The following MLPH variants were observed in gnomAD, a reference collection of about 807,000 sequenced individuals.
MLPH encodes melanophilin.
Under a neutral mutation model 72.1 loss-of-function variants are expected in MLPH, and 51 were observed. The ratio of observed to expected loss-of-function variants is 0.71; its 90% CI spans 0.56 to 0.89. The LOEUF (loss-of-function observed/expected upper bound fraction) is 0.89. MLPH is among the 40% of genes least tolerant of loss of function. The pLI is 0.00. For synonymous variants in MLPH, 301 were observed against 310.1 expected, an observed-to-expected ratio of 0.97 and a Z score of 0.31; for missense variants, 743 against 759.9, an observed-to-expected ratio of 0.98 and a Z score of 0.26.
intron 12 of MLPH, among the ~76,000 whole-genome samples, chr2:237,546,007 T>A (rs1382400749): frequency 6.6e-6 from 1 of 152,152 alleles, no homozygotes; most frequent in African/African-American, 2.4e-5. Flanking sequence ...TGGTTAGGGG[T>A]ACAATTTGCT....
chr2:237,517,138 T>C (rs1025270226), intron 4 of MLPH, among the ~76,000 whole-genome samples: 3 of 151,256 alleles, frequency 2.0e-5, no homozygotes, highest in Admixed American at 1.3e-4. Flanking sequence ...TCTGAGTGGA[T>C]GAATGCATTG....
At chr2:237,524,065 GTAGAATT>G (rs2080247508) in intron 6 of MLPH, among the ~76,000 whole-genome samples, 4 of 152,192 alleles carry the variant, frequency 2.6e-5, no homozygotes, top group African/African-American at 9.6e-5. Context: ...TGGCTACTAG[GTAGAATT>G]TTATGGAAAA....
At position 237,553,885 on chromosome 2, in the gene MLPH, A is replaced by G. The variant is rs1357893423; in HGVS notation, c.*293A>G. On this transcript the variant is annotated 3_prime_UTR_variant, in exon 16 of 16. Transcript: ENST00000264605. ...AGGACAATGTTGTGTAAATCTTTGAAGGACACACCGAAGACCTTTATACTG... is the reference window on the plus strand; with the variant it reads ...AGGACAATGTTGTGTAAATCTTTGAGGGACACACCGAAGACCTTTATACTG... The G allele has an allele frequency of 1.7e-6, 1 of 592,610 alleles. No homozygotes were observed. The highest frequency in any genetic ancestry group is 3.1e-6 in the Non-Finnish European group (1 of 319,172). The allele number at this position is 592,610 out of a possible 1,614,324, so 36.7% of individuals were successfully genotyped here. A position where few individuals can be genotyped will look rare whatever the true frequency, so the allele number is the denominator to read the frequency against.
intron 6 of MLPH, among the ~76,000 whole-genome samples, chr2:237,524,312 T>A: frequency 6.9e-6 from 1 of 145,888 alleles, no homozygotes; most frequent in African/African-American, 2.8e-5. Context: ...AATATATATA[T>A]ATATATATAA....
rs199971790 is a variant in MLPH at position 237,493,397 on chromosome 2, T to C, written c.-24-6T>C. The C allele has an allele frequency of 7.1e-5, 111 of 1,568,724 alleles. 2 individuals are homozygous for C. In the African/African-American group the frequency reaches 1.3e-3, roughly 19 times the overall value. On this transcript the variant is annotated splice_polypyrimidine_tract_variant and splice_region_variant and intron_variant, in intron 1 of 15. Coordinates refer to ENST00000264605, the MANE Select transcript of MLPH (RefSeq NM_024101.7). ...ACTGATGACTTGTGATCCTGTGACA[T>C]TCCAGGTGTGACCCCGACAAGAAGC...
intron 4 of MLPH, among the ~76,000 whole-genome samples, chr2:237,516,948 G>C (rs1191549175): frequency 1.3e-5 from 2 of 148,936 alleles, no homozygotes; most frequent in Admixed American, 1.3e-4. Context: ...TGGATAGGTG[G>C]ATAGGTGGAT....
At chr2:237,525,487 TG>T in intron 6 of MLPH, 113 bp from the exon 7 acceptor site, 1 of 1,005,630 alleles carries the variant, frequency 9.9e-7, no homozygotes, top group Non-Finnish European at 1.5e-6. Flanking sequence ...TGCCTAGTGC[TG>T]GGTCAGTCAA....
chr2:237,536,574 G>A (rs1390778180), intron 9 of MLPH, among the ~76,000 whole-genome samples: 1 of 152,166 alleles, frequency 6.6e-6, no homozygotes, highest in Non-Finnish European at 1.5e-5. Context: ...TGCCTGCACT[G>A]AGTCAGAGTG....
rs1487127983 is a variant in MLPH at position 237,553,010 on chromosome 2, TG to T, written c.1777-554del. 1.1e-5 allele frequency: 5 copies of T among 445,328 alleles called. No homozygotes were observed. In the East Asian group the frequency reaches 3.6e-4, roughly 32 times the overall value. 27.6% of individuals were successfully genotyped at this position (445,328 alleles called of 1,614,324 possible). ...CAGAGTGGGAGCAGGCTAGAGCCAG[TG>T]GCTCAGGAGCCTGGTTACAGCATTT... On this transcript the variant is annotated intron_variant, in intron 15 of 15. Coordinates refer to ENST00000264605, the MANE Select transcript of MLPH (RefSeq NM_024101.7).
Position 237,496,891 on chromosome 2 carries a change from C to T in MLPH, c.110+3355C>T, listed in dbSNP as rs534479060. On this transcript the variant is annotated intron_variant, in intron 2 of 15. Coordinates refer to ENST00000264605, the MANE Select transcript of MLPH (RefSeq NM_024101.7). ...AGTGGCATTGCTATGATGGGTCTTA[C>T]TATGAGAGTACATGTCAGCAGGTGA... is the stretch of plus-strand genomic sequence containing the variant. 1.7e-4 allele frequency among the ~76,000 whole-genome samples: 26 copies of T among 152,312 alleles called. No homozygotes were observed. In the South Asian group the frequency reaches 5.4e-3, roughly 32 times the overall value.
intron 14 of MLPH, among the ~76,000 whole-genome samples, chr2:237,549,511 C>T (rs541668810): frequency 1.3e-5 from 2 of 152,252 alleles, no homozygotes; most frequent in Admixed American, 6.5e-5. Flanking sequence ...CTGGTGGCAG[C>T]GGTGGTGGTG....
chr2:237,527,368 G>A lies in MLPH; in HGVS notation c.881-9G>A, dbSNP rs759918261. 20 of 1,613,950 alleles carry A rather than the reference G, an allele frequency of 1.2e-5. No homozygotes were observed. Among genetic ancestry groups the A allele is most frequent in the Middle Eastern group, 3.3e-4 (2 of 6,084 alleles). ...CTGCAAGTAATTCAAACCCACTCTCGCTCTGAAGGGTCGAATGTCATCAGG... is the reference window on the plus strand; with the variant it reads ...CTGCAAGTAATTCAAACCCACTCTCACTCTGAAGGGTCGAATGTCATCAGG... On this transcript the variant is annotated splice_polypyrimidine_tract_variant and intron_variant, in intron 7 of 15. Transcript: ENST00000264605.
chr2:237,552,855 C>CTG (rs143185450), intron 15 of MLPH, among the ~76,000 whole-genome samples: 62 of 151,828 alleles, frequency 4.1e-4, no homozygotes, highest in African/African-American at 1.4e-3. Context: ...GCGTTCACCC[C>CTG]TGTGTGTGTG....
intron 7 of MLPH, among the ~76,000 whole-genome samples, 192 bp downstream of exon 7, chr2:237,525,997 G>A (rs980966091): frequency 7.9e-5 from 12 of 152,360 alleles, no homozygotes; most frequent in Non-Finnish European, 2.9e-5. Flanking sequence ...ACCGGGATGT[G>A]CGCTTCCCTG....
At position 237,518,592 on chromosome 2, in the gene MLPH, G is replaced by A; in HGVS notation, c.499G>A (p.Glu167Lys). Residue 167 changes from glutamate to lysine, a missense_variant, in exon 5 of 16, where the codon GAG (glutamate) becomes AAG (lysine). Glu to Lys is a moderately conservative substitution (Grantham distance 56). Transcript: ENST00000264605. ...AAGTGGAGACAGCGACCAGACAGATGAGGATGGAGAACCTGGCTCAGAGGC... is the reference window on the plus strand; with the variant it reads ...AAGTGGAGACAGCGACCAGACAGATAAGGATGGAGAACCTGGCTCAGAGGC... ...ERSGDSDQTD[E>K]DGEPGSEAQA... 1 of 1,613,900 alleles carries A rather than the reference G, an allele frequency of 6.2e-7. No individual in the cohort carries two copies. The highest frequency in any genetic ancestry group is 1.7e-5 in the Admixed American group (1 of 59,990).
chr2:237,540,694 C>A, intron 10 of MLPH, 108 bp from the exon 11 acceptor site: 1 of 1,530,246 alleles, frequency 6.5e-7, no homozygotes, highest in South Asian at 1.2e-5. Flanking sequence ...CCTGACCAAC[C>A]AGCTCCCAGG....
intron 6 of MLPH, 149 bp downstream of exon 6, chr2:237,520,178 C>A: frequency 9.7e-7 from 1 of 1,029,964 alleles, no homozygotes; most frequent in South Asian, 1.5e-5. Flanking sequence ...GGAAGGGGAC[C>A]GATGTGGGAA....
intron 9 of MLPH, among the ~76,000 whole-genome samples, chr2:237,537,261 A>G (rs13418946): frequency 0.074 from 11,212 of 152,126 alleles, 1,290 homozygotes; most frequent in African/African-American, 0.25. Context: ...ATATGTGTGC[A>G]TGTGTTGTGT....
intron 4 of MLPH, chr2:237,518,117 G>A (rs2080090924): frequency 6.2e-6 from 2 of 322,830 alleles, no homozygotes; most frequent in Non-Finnish European, 1.2e-5. Flanking sequence ...GGATGAAGGA[G>A]GGATGGAGGG....
Sources: gnomAD v4.1 joint callset for allele counts (sites outside exome capture counted in the v4.1 genomes callset) on GRCh38, gnomAD v4.1.1 for gene constraint, MANE v1.5 for transcripts, NCBI Gene and HGNC (gene_info 2026-07-23, HGNC 2026-07-21) for gene names.